SRD5A2: variants seen among roughly 807,000 people sequenced by gnomAD.
The protein encoded by SRD5A2 is steroid 5 alpha-reductase 2.
A neutral mutation model predicts 27.4 loss-of-function variants in SRD5A2; 30 were observed. The ratio of observed to expected loss-of-function variants is 1.10; its 90% confidence interval spans 0.82 to 1.49. The LOEUF (loss-of-function observed/expected upper bound fraction) is 1.49. Among genes scored for constraint, SRD5A2 ranks in the 40% most tolerant of loss-of-function variants. The pLI is 0.00. For missense variants in SRD5A2, 348 were observed against 323.4 expected (o/e 1.08, Z -0.58); for synonymous variants, 141 against 133.6 (o/e 1.06, Z -0.38).
chr2:31,537,337 T>G (rs777961532), intron 1 of SRD5A2, among the ~76,000 whole-genome samples: 5 of 152,206 alleles, frequency 3.3e-5, no homozygotes, highest in Non-Finnish European at 7.4e-5. Flanking sequence ...GAGTTGCTTA[T>G]GCTCACCATC....
At chr2:31,607,328 A>G in the SRD5A2 span, among the ~76,000 whole-genome samples, 2 of 152,014 alleles carry the variant, frequency 1.3e-5, no homozygotes, top group Non-Finnish European at 2.9e-5. Context: ...AACACAAAGA[A>G]GCCCACACTG....
chr2:31,662,669 T>C, the SRD5A2 span, among the ~76,000 whole-genome samples: 1 of 152,104 alleles, frequency 6.6e-6, no homozygotes, highest in East Asian at 1.9e-4. Context: ...AATCATTTAG[T>C]CCTGTAATAT....
chr2:31,592,897 C>T, the SRD5A2 span, among the ~76,000 whole-genome samples: 4 of 152,242 alleles, frequency 2.6e-5, no homozygotes, highest in South Asian at 6.2e-4. Context: ...CAAGGAGGCA[C>T]CAGAGAAAAG....
the SRD5A2 span, among the ~76,000 whole-genome samples, chr2:31,640,427 C>T: frequency 6.6e-6 from 1 of 152,046 alleles, no homozygotes; most frequent in Non-Finnish European, 1.5e-5. Context: ...TATGTCTTTG[C>T]ATTTTAGGAT....
At chr2:31,604,662 C>A in the SRD5A2 span, among the ~76,000 whole-genome samples, 1 of 151,484 alleles carries the variant, frequency 6.6e-6, no homozygotes, top group Non-Finnish European at 1.5e-5. Context: ...AAGAATGCTC[C>A]AAAAAATGGA....
the SRD5A2 span, among the ~76,000 whole-genome samples, chr2:31,620,220 G>A: frequency 6.6e-6 from 1 of 152,004 alleles, no homozygotes; most frequent in African/African-American, 2.4e-5. Flanking sequence ...CAAACCCACA[G>A]AGAACATCAC....
At chr2:31,592,325 A>G in the SRD5A2 span, among the ~76,000 whole-genome samples, 16 of 152,122 alleles carry the variant, frequency 1.1e-4, no homozygotes, top group Non-Finnish European at 2.9e-5. Context: ...ACCACCTACA[A>G]CACCCTGGCT....
Position 31,551,284 on chromosome 2 carries a change from G to T in SRD5A2, c.282-17518C>A, listed in dbSNP as rs532263572. Among the ~76,000 whole-genome samples, 5 of 152,090 alleles carry T rather than the reference G, an allele frequency of 3.3e-5. No homozygotes were observed. The South Asian group carries it at 1.0e-3, about 32-fold the overall frequency. On this transcript the variant is annotated intron_variant, in intron 1 of 4. Transcript: ENST00000622030. Reference sequence around the variant, plus strand: ...AAGGATATTAATTCTCCCCCAAAATGACAATGCAATTTTTATTACATCCCA... The same window carrying T: ...AAGGATATTAATTCTCCCCCAAAATTACAATGCAATTTTTATTACATCCCA...
chr2:31,623,476 C>T, the SRD5A2 span, among the ~76,000 whole-genome samples: 3 of 152,080 alleles, frequency 2.0e-5, no homozygotes, highest in South Asian at 6.2e-4. Context: ...CAGTTCTGTG[C>T]CCTTGCTGGA....
At chr2:31,548,604 T>G (rs1484208211) in intron 1 of SRD5A2, among the ~76,000 whole-genome samples, 1 of 152,150 alleles carries the variant, frequency 6.6e-6, no homozygotes, top group Non-Finnish European at 1.5e-5. Flanking sequence ...GGCAAAGATG[T>G]GGAGAAACTG....
intron 1 of SRD5A2, among the ~76,000 whole-genome samples, chr2:31,540,955 C>T (rs1257171198): frequency 5.3e-5 from 8 of 152,162 alleles, no homozygotes. Flanking sequence ...TGCTGTTACA[C>T]CTTATTCCAT....
chr2:31,558,296 G>T (rs987708973), intron 1 of SRD5A2, among the ~76,000 whole-genome samples: 1 of 152,178 alleles, frequency 6.6e-6, no homozygotes, highest in Non-Finnish European at 1.5e-5. Context: ...AAGTATGCCT[G>T]GTGTTAATTT....
chr2:31,652,582 T>G, the SRD5A2 span, among the ~76,000 whole-genome samples: 1 of 152,102 alleles, frequency 6.6e-6, no homozygotes, highest in East Asian at 1.9e-4. Context: ...TCCGAGGCCT[T>G]AGAAATGAAA....
chr2:31,596,254 G>C, the SRD5A2 span, among the ~76,000 whole-genome samples: 1 of 151,990 alleles, frequency 6.6e-6, no homozygotes, highest in Non-Finnish European at 1.5e-5. Context: ...TGAGCATGGT[G>C]GTGGGCAGCT....
intron 1 of SRD5A2, among the ~76,000 whole-genome samples, chr2:31,538,140 C>G (rs76888933): frequency 2.6e-5 from 4 of 152,284 alleles, no homozygotes; most frequent in Middle Eastern, 3.4e-3. Context: ...GGGCAACCTC[C>G]TACTATGCCC....
At chr2:31,615,464 C>T in the SRD5A2 span, among the ~76,000 whole-genome samples, 2 of 152,158 alleles carry the variant, frequency 1.3e-5, no homozygotes, top group African/African-American at 4.8e-5. Context: ...AGACTGGTGG[C>T]ATTTTCCCCC....
chr2:31,549,568 G>T (rs1390654681), intron 1 of SRD5A2, among the ~76,000 whole-genome samples: 1 of 152,082 alleles, frequency 6.6e-6, no homozygotes, highest in African/African-American at 2.4e-5. Flanking sequence ...AATGTTAAAA[G>T]TAAAAATGAA....
the SRD5A2 span, among the ~76,000 whole-genome samples, chr2:31,598,113 C>A: frequency 1.3e-5 from 2 of 151,992 alleles, no homozygotes; most frequent in African/African-American, 4.8e-5. Context: ...GAATACTACT[C>A]CTCAATAAAA....
the SRD5A2 span, among the ~76,000 whole-genome samples, chr2:31,637,890 T>C: frequency 6.6e-6 from 1 of 152,158 alleles, no homozygotes; most frequent in African/African-American, 2.4e-5. Context: ...TACAAATTTT[T>C]ATTGCATTGA....
Sources: gnomAD v4.1 joint callset for allele counts (sites outside exome capture counted in the v4.1 genomes callset) on GRCh38, gnomAD v4.1.1 for gene constraint, MANE v1.5 for transcripts, NCBI Gene and HGNC (gene_info 2026-07-23, HGNC 2026-07-21) for gene names.